TJP1: variants seen among roughly 807,000 people sequenced by gnomAD.
TJP1 encodes tight junction protein ZO-1.
Under a neutral mutation model 194.2 loss-of-function variants are expected in TJP1, and 43 were observed. The observed-to-expected ratio is 0.22, with a 90% CI of 0.17 to 0.29. The LOEUF (loss-of-function observed/expected upper bound fraction) is 0.29, where lower values mean the gene tolerates loss of function less well. Ranked by LOEUF, TJP1 falls within the 10% of genes least tolerant of loss-of-function variation. The probability of loss-of-function intolerance (pLI) is 1.00; values close to 1 mark genes in which losing one functional copy is unlikely to be tolerated. For synonymous variants in TJP1, 801 were observed against 779.0 expected, an observed-to-expected ratio of 1.03 and a Z score of -0.47; for missense variants, 1,971 against 2,185.7, an observed-to-expected ratio of 0.90 and a Z score of 1.96.
rs1465479379 is a variant in TJP1 at position 29,728,028 on chromosome 15, T to G, written c.2018-9A>C. ...GTCTCGTGGTTCACTCTCTATTCAT[T>G]ATGTCAGGACAAAAATAAGACATCA... On this transcript the variant is annotated splice_polypyrimidine_tract_variant and intron_variant, in intron 15 of 27. Transcript: ENST00000614355. 1 of 1,613,086 alleles carries G rather than the reference T, an allele frequency of 6.2e-7. No homozygotes were observed. Among genetic ancestry groups the G allele is most frequent in the Admixed American group, 1.7e-5 (1 of 59,996 alleles).
chr15:29,909,410 G>C (rs1379178956), intron 2 of TJP1, among the ~76,000 whole-genome samples: 1 of 151,138 alleles, frequency 6.6e-6, no homozygotes, highest in Admixed American at 6.6e-5. Flanking sequence ...ATTGTGGTCT[G>C]CATATGACAC....
chr15:29,812,306 T>C (rs2151952854), intron 1 of TJP1, among the ~76,000 whole-genome samples: 1 of 152,350 alleles, frequency 6.6e-6, no homozygotes, highest in South Asian at 2.1e-4. Context: ...ACATTTGCTT[T>C]ATGTACTTTT....
At chr15:29,898,436 A>G (rs1465490402) in intron 2 of TJP1, among the ~76,000 whole-genome samples, 3 of 152,188 alleles carry the variant, frequency 2.0e-5, no homozygotes, top group Admixed American at 6.5e-5. Flanking sequence ...GAATACAACA[A>G]ACATTCAAAT....
At position 29,704,314 on chromosome 15, in the gene TJP1, G is replaced by A. The variant is rs1346731959; in HGVS notation, c.5069-9C>T. On this transcript the variant is annotated splice_polypyrimidine_tract_variant and intron_variant, in intron 26 of 27. Coordinates refer to ENST00000614355, the MANE Select transcript of TJP1 (RefSeq NM_001330239.4). ...ACTCAGCAGTGTTTCACCTGGAGTT[G>A]GAAAAGGGGATAGGCAGAGAGGATG... 2 of 1,584,226 alleles carry A rather than the reference G, an allele frequency of 1.3e-6. No homozygotes were observed. The highest frequency in any genetic ancestry group is 1.2e-5 in the South Asian group (1 of 86,310).
intron 2 of TJP1, among the ~76,000 whole-genome samples, chr15:29,946,327 T>C (rs1170411227): frequency 6.6e-6 from 1 of 152,232 alleles, no homozygotes; most frequent in East Asian, 1.9e-4. Context: ...GAGTCATCCG[T>C]GGAGGCCAGG....
intron 2 of TJP1, among the ~76,000 whole-genome samples, chr15:29,790,410 T>A (rs145664997): frequency 1.2e-3 from 183 of 150,562 alleles, no homozygotes; most frequent in African/African-American, 4.3e-3. Flanking sequence ...TTTTTAATTA[T>A]TATAGTAAAC....
intron 2 of TJP1, among the ~76,000 whole-genome samples, chr15:29,845,736 G>A (rs184296078): frequency 2.6e-4 from 40 of 152,254 alleles, no homozygotes; most frequent in African/African-American, 9.4e-4. Flanking sequence ...ACCGGGAGGC[G>A]GAGCTTATAG....
chr15:29,737,483 G>T (rs1478740651), intron 10 of TJP1, 69 bp from the exon 11 acceptor site: 1 of 1,530,154 alleles, frequency 6.5e-7, no homozygotes, highest in Non-Finnish European at 9.0e-7. Context: ...TCACTACAGT[G>T]AAAACTATAT....
intron 2 of TJP1, among the ~76,000 whole-genome samples, chr15:29,950,891 C>T (rs550480031): frequency 6.6e-6 from 1 of 152,262 alleles, no homozygotes; most frequent in Admixed American, 6.5e-5. Context: ...ACCCCATATC[C>T]TTATCTGTAA....
chr15:29,903,716 TTACAGGCGTGAGC>T (rs1461534629), intron 2 of TJP1, among the ~76,000 whole-genome samples: 2 of 152,132 alleles, frequency 1.3e-5, no homozygotes, highest in African/African-American at 4.8e-5. Flanking sequence ...AGTGCTGGGA[TTACAGGCGTGAGC>T]TACCACGCCC....
intron 2 of TJP1, among the ~76,000 whole-genome samples, chr15:29,942,697 C>A (rs977753127): frequency 6.6e-5 from 10 of 152,190 alleles, no homozygotes; most frequent in African/African-American, 2.4e-4. Flanking sequence ...CGGTGCGTAC[C>A]TCCGCAGAGG....
chr15:29,731,392 C>T (rs2043649224), intron 15 of TJP1, among the ~76,000 whole-genome samples: 1 of 152,184 alleles, frequency 6.6e-6, no homozygotes, highest in African/African-American at 2.4e-5. Context: ...TCTGTTGAGA[C>T]CTGACCCCTA....
At chr15:29,888,696 C>T (rs2053205287) in intron 2 of TJP1, among the ~76,000 whole-genome samples, 2 of 152,178 alleles carry the variant, frequency 1.3e-5, no homozygotes, top group African/African-American at 4.8e-5. Flanking sequence ...CAGCAGCGTA[C>T]ATCCTGAACC....
At chr15:29,904,154 G>A (rs1216226544) in intron 2 of TJP1, among the ~76,000 whole-genome samples, 6 of 152,150 alleles carry the variant, frequency 3.9e-5, no homozygotes, top group South Asian at 2.1e-4. Flanking sequence ...AAAGGGTGGC[G>A]GGTGCTGCAG....
At chr15:29,775,910 A>T (rs1163287027) in intron 2 of TJP1, among the ~76,000 whole-genome samples, 2 of 152,148 alleles carry the variant, frequency 1.3e-5, no homozygotes, top group Non-Finnish European at 2.9e-5. Context: ...GAATTATCCC[A>T]CAAAAAGGCA....
chr15:29,968,485 G>C (rs2056407784), intron 1 of TJP1: 1 of 910,494 alleles, frequency 1.1e-6, no homozygotes, highest in Non-Finnish European at 1.3e-6. Context: ...GGCGGCGCTC[G>C]GCCCTGGGCT....
chr15:29,938,687 C>A (rs1396662489), intron 2 of TJP1, among the ~76,000 whole-genome samples: 1 of 152,202 alleles, frequency 6.6e-6, no homozygotes, highest in Non-Finnish European at 1.5e-5. Flanking sequence ...TTCAAAATAT[C>A]AATTGCTTCC....
intron 2 of TJP1, among the ~76,000 whole-genome samples, chr15:29,928,858 C>CGT (rs1377995697): frequency 1.3e-5 from 2 of 152,044 alleles, no homozygotes; most frequent in African/African-American, 4.8e-5. Context: ...AGGAGAATGG[C>CGT]GTGAACCCAG....
chr15:29,900,978 G>A (rs921373116), intron 2 of TJP1, among the ~76,000 whole-genome samples: 2 of 152,090 alleles, frequency 1.3e-5, no homozygotes, highest in African/African-American at 4.8e-5. Flanking sequence ...TATCTAGGAG[G>A]GCTGCCTGGA....
Sources: gnomAD v4.1 joint callset for allele counts (sites outside exome capture counted in the v4.1 genomes callset) on GRCh38, gnomAD v4.1.1 for gene constraint, MANE v1.5 for transcripts, NCBI Gene and HGNC (gene_info 2026-07-23, HGNC 2026-07-21) for gene names.